The following STPG2 variants were observed in gnomAD, a reference collection of about 807,000 sequenced individuals.
STPG2 encodes sperm-tail PG-rich repeat-containing protein 2.
A neutral mutation model predicts 54.2 loss-of-function variants in STPG2; 56 were observed. The ratio of observed to expected loss-of-function variants is 1.03; its 90% CI spans 0.83 to 1.29. STPG2 has a LOEUF of 1.29. STPG2 is among the 50% of genes most tolerant of loss of function. STPG2 has a pLI of 0.00. For missense variants in STPG2, 596 were observed against 544.9 expected, an observed-to-expected ratio of 1.09 and a Z score of -0.93; for synonymous variants, 200 against 181.8, an observed-to-expected ratio of 1.10 and a Z score of -0.81.
intron 8 of STPG2, among the ~76,000 whole-genome samples, chr4:97,861,573 T>G (rs1416509165): frequency 2.0e-5 from 3 of 151,988 alleles, no homozygotes; most frequent in Admixed American, 2.0e-4. Flanking sequence ...GCAGCACTAG[T>G]CACAATGGCC....
intron 7 of STPG2, among the ~76,000 whole-genome samples, chr4:97,970,863 G>A (rs1462110213): frequency 1.3e-5 from 2 of 152,166 alleles, no homozygotes; most frequent in African/African-American, 2.4e-5. Flanking sequence ...TATCATCAGA[G>A]TGCACAGGCA....
At chr4:97,538,424 C>T (rs1731595246) in intron 4 of STPG2, among the ~76,000 whole-genome samples, 1 of 152,114 alleles carries the variant, frequency 6.6e-6, no homozygotes, top group African/African-American at 2.4e-5. Flanking sequence ...ATTCGAACAA[C>T]TGGAAGAAAG....
intron 9 of STPG2, among the ~76,000 whole-genome samples, chr4:97,788,185 A>G (rs1303987918): frequency 2.6e-5 from 4 of 151,916 alleles, no homozygotes; most frequent in Non-Finnish European, 2.9e-5. Flanking sequence ...ATCTAACTGT[A>G]TTTCTGTACC....
chr4:97,535,435 T>A (rs1453296802), intron 4 of STPG2, among the ~76,000 whole-genome samples: 1 of 152,198 alleles, frequency 6.6e-6, no homozygotes, highest in Non-Finnish European at 1.5e-5. Flanking sequence ...TATCTTTGAG[T>A]CTGCTGGCAG....
intron 10 of STPG2, among the ~76,000 whole-genome samples, chr4:97,609,292 T>C (rs1008611231): frequency 2.6e-5 from 4 of 152,014 alleles, no homozygotes; most frequent in African/African-American, 9.7e-5. Context: ...GTAGTGGAAG[T>C]AGATAGTATT....
At chr4:98,117,328 T>C (rs1739548434) in intron 3 of STPG2, among the ~76,000 whole-genome samples, 1 of 151,994 alleles carries the variant, frequency 6.6e-6, no homozygotes, top group Non-Finnish European at 1.5e-5. Flanking sequence ...ATGTCACTTT[T>C]TTCTTGCTGC....
intron 8 of STPG2, among the ~76,000 whole-genome samples, chr4:97,891,040 A>G (rs1730751329): frequency 6.6e-6 from 1 of 151,974 alleles, no homozygotes; most frequent in African/African-American, 2.4e-5. Flanking sequence ...GAAACCAAAA[A>G]GTGCTAGAAA....
At chr4:98,022,144 A>G (rs567948210) in intron 5 of STPG2, among the ~76,000 whole-genome samples, 57,052 of 149,278 alleles carry the variant, frequency 0.38, 10,528 homozygotes, top group Middle Eastern at 0.44. Context: ...ATGTTTTTGC[A>G]GTGGCTGGTA....
intron 10 of STPG2, among the ~76,000 whole-genome samples, chr4:97,593,154 C>A (rs1338303848): frequency 6.6e-6 from 1 of 152,060 alleles, no homozygotes; most frequent in Non-Finnish European, 1.5e-5. Flanking sequence ...TCCCAGGAGT[C>A]CTCATCATAG....
intron 8 of STPG2, among the ~76,000 whole-genome samples, chr4:97,927,493 T>C (rs1056985309): frequency 2.6e-5 from 4 of 152,104 alleles, no homozygotes; most frequent in Non-Finnish European, 4.4e-5. Context: ...CAGTATTGTT[T>C]ATGATGCTGA....
chr4:97,763,687 T>C (rs1457105176), intron 9 of STPG2, among the ~76,000 whole-genome samples: 2 of 152,114 alleles, frequency 1.3e-5, no homozygotes, highest in Non-Finnish European at 2.9e-5. Context: ...GAGAGAGGCA[T>C]TCCCTCCTGA....
intron 5 of STPG2, among the ~76,000 whole-genome samples, chr4:97,988,759 C>T (rs1275223332): frequency 6.6e-6 from 1 of 152,176 alleles, no homozygotes; most frequent in Admixed American, 6.5e-5. Context: ...GCATGCGCCA[C>T]CAGGCCCGGC....
chr4:97,758,851 T>C (rs1725808536), intron 9 of STPG2, among the ~76,000 whole-genome samples: 2 of 150,616 alleles, frequency 1.3e-5, no homozygotes, highest in African/African-American at 4.9e-5. Flanking sequence ...ATGAAAAGGG[T>C]AAAGAACCCA....
intron 10 of STPG2, among the ~76,000 whole-genome samples, chr4:97,632,618 A>G (rs780382221): frequency 6.6e-6 from 1 of 152,144 alleles, no homozygotes; most frequent in Non-Finnish European, 1.5e-5. Context: ...TGACTCACAG[A>G]TATCAATATG....
chr4:97,799,623 C>T (rs1039209334), intron 9 of STPG2, among the ~76,000 whole-genome samples: 6 of 152,216 alleles, frequency 3.9e-5, no homozygotes, highest in African/African-American at 1.4e-4. Context: ...ACATTTTTTC[C>T]TCCATTTCAA....
chr4:97,999,228 C>T (rs536609311), intron 5 of STPG2, among the ~76,000 whole-genome samples: 2 of 152,286 alleles, frequency 1.3e-5, no homozygotes, highest in South Asian at 4.1e-4. Flanking sequence ...TTTTTAAAAA[C>T]TGTGCCACAA....
intron 10 of STPG2, among the ~76,000 whole-genome samples, chr4:97,585,925 A>G (rs1732987590): frequency 6.6e-6 from 1 of 151,908 alleles, no homozygotes; most frequent in Non-Finnish European, 1.5e-5. Flanking sequence ...AAAATAGATG[A>G]AATGTCTAAG....
chr4:97,465,562 C>G (rs1367851048), intron 4 of STPG2, among the ~76,000 whole-genome samples: 1 of 151,972 alleles, frequency 6.6e-6, no homozygotes, highest in Non-Finnish European at 1.5e-5. Flanking sequence ...TTATCTTATA[C>G]AGTATTCTCT....
At chr4:97,706,581 T>C (rs1723949244) in intron 10 of STPG2, among the ~76,000 whole-genome samples, 1 of 152,170 alleles carries the variant, frequency 6.6e-6, no homozygotes, top group African/African-American at 2.4e-5. Flanking sequence ...CTCTGTTAGT[T>C]TGTTAAAGCA....
Sources: gnomAD v4.1 joint callset for allele counts (sites outside exome capture counted in the v4.1 genomes callset) on GRCh38, gnomAD v4.1.1 for gene constraint, MANE v1.5 for transcripts, NCBI Gene and HGNC (gene_info 2026-07-23, HGNC 2026-07-21) for gene names.